The following NRG3 variants were observed in gnomAD, a reference collection of about 807,000 sequenced individuals.
NRG3 encodes the protein pro-neuregulin-3, membrane-bound isoform.
Under a neutral mutation model 66.9 loss-of-function variants are expected in NRG3, and 31 were observed. The ratio of observed to expected loss-of-function variants is 0.46; its 90% CI spans 0.35 to 0.63. The LOEUF is 0.63. Ranked by LOEUF, NRG3 falls within the 20% of genes least tolerant of loss-of-function variation. The pLI is 0.00. For synonymous variants in NRG3, 393 were observed against 359.4 expected (o/e 1.09, Z -1.06); for missense variants, 910 against 878.9 (o/e 1.04, Z -0.45).
At chr10:82,313,570 TGCATG>T (rs2081144033) in intron 1 of NRG3, among the ~76,000 whole-genome samples, 1 of 152,066 alleles carries the variant, frequency 6.6e-6, no homozygotes, top group South Asian at 2.1e-4. Flanking sequence ...AGGAAACAGC[TGCATG>T]GCCAGTCCTG....
intron 1 of NRG3, among the ~76,000 whole-genome samples, chr10:82,221,966 G>C (rs2075964354): frequency 6.6e-6 from 1 of 151,730 alleles, no homozygotes; most frequent in African/African-American, 2.4e-5. Flanking sequence ...CCTCCAGGTG[G>C]CCTACTACAC....
At chr10:82,334,719 TAC>T (rs1377558749) in intron 1 of NRG3, among the ~76,000 whole-genome samples, 2 of 152,224 alleles carry the variant, frequency 1.3e-5, no homozygotes, top group East Asian at 1.9e-4. Flanking sequence ...TGCAAAACGA[TAC>T]AGAGTCCATC....
chr10:82,831,427 C>T (rs910368669), intron 3 of NRG3, among the ~76,000 whole-genome samples: 7 of 151,918 alleles, frequency 4.6e-5, no homozygotes, highest in African/African-American at 1.7e-4. Context: ...TATTAGAAGA[C>T]ATCTTAATGT....
chr10:82,313,089 G>A (rs1202107445), intron 1 of NRG3, among the ~76,000 whole-genome samples: 1 of 152,048 alleles, frequency 6.6e-6, no homozygotes, highest in Non-Finnish European at 1.5e-5. Flanking sequence ...GAGGTGGGAC[G>A]ATTCCTTGAG....
chr10:82,166,031 A>T (rs529898959), intron 1 of NRG3, among the ~76,000 whole-genome samples: 1 of 150,110 alleles, frequency 6.7e-6, no homozygotes, highest in South Asian at 2.1e-4. Context: ...TTTATTATTA[A>T]TTTTTTTTGT....
At chr10:82,428,203 T>G (rs937639849) in intron 2 of NRG3, among the ~76,000 whole-genome samples, 1 of 152,014 alleles carries the variant, frequency 6.6e-6, no homozygotes, top group South Asian at 2.1e-4. Context: ...TTTTCCAATC[T>G]AATCTTTATT....
At chr10:81,991,528 C>G (rs541692400) in intron 1 of NRG3, among the ~76,000 whole-genome samples, 1 of 152,166 alleles carries the variant, frequency 6.6e-6, no homozygotes, top group Non-Finnish European at 1.5e-5. Context: ...CTGTGTGGGT[C>G]CCCCAAAGGC....
intron 1 of NRG3, among the ~76,000 whole-genome samples, chr10:81,942,449 C>T (rs1218916659): frequency 6.6e-6 from 1 of 152,144 alleles, no homozygotes; most frequent in East Asian, 1.9e-4. Flanking sequence ...CAAAATAATA[C>T]ACCCCCTCTA....
intron 4 of NRG3, among the ~76,000 whole-genome samples, chr10:82,880,891 A>G (rs1224079610): frequency 6.6e-6 from 1 of 152,184 alleles, no homozygotes; most frequent in African/African-American, 2.4e-5. Context: ...TAGGGCCATG[A>G]GCACAGTAAG....
chr10:82,361,938 G>T (rs1364952162), intron 2 of NRG3, among the ~76,000 whole-genome samples: 9 of 151,654 alleles, frequency 5.9e-5, no homozygotes, highest in African/African-American at 1.7e-4. Context: ...AAAAAAAATT[G>T]TAATCCTATA....
chr10:82,974,053 C>T, intron 7 of NRG3, 138 bp downstream of exon 7: 1 of 886,230 alleles, frequency 1.1e-6, no homozygotes. Flanking sequence ...GGAGTAAATG[C>T]TCAAACACCT....
chr10:82,263,576 T>A (rs1050705501), intron 1 of NRG3, among the ~76,000 whole-genome samples: 3 of 152,242 alleles, frequency 2.0e-5, no homozygotes, highest in South Asian at 2.1e-4. Flanking sequence ...TACTCAAGAA[T>A]AACCTATAAT....
intron 2 of NRG3, among the ~76,000 whole-genome samples, chr10:82,654,693 A>G (rs960949539): frequency 5.3e-5 from 8 of 152,332 alleles, no homozygotes; most frequent in Admixed American, 2.6e-4. Flanking sequence ...ATCAAGGTAA[A>G]TAAAATATGA....
intron 1 of NRG3, among the ~76,000 whole-genome samples, chr10:81,983,211 T>A (rs1368494119): frequency 6.6e-6 from 1 of 152,168 alleles, no homozygotes; most frequent in Non-Finnish European, 1.5e-5. Flanking sequence ...GAGTCTGTGA[T>A]CATATTAACT....
At chr10:82,135,344 A>C (rs1244698597) in intron 1 of NRG3, among the ~76,000 whole-genome samples, 3 of 152,024 alleles carry the variant, frequency 2.0e-5, no homozygotes, top group Non-Finnish European at 4.4e-5. Context: ...TCTGCTTGGC[A>C]TGCTGTAACT....
chr10:82,464,300 G>A (rs1840467217), intron 2 of NRG3, among the ~76,000 whole-genome samples: 1 of 152,126 alleles, frequency 6.6e-6, no homozygotes, highest in South Asian at 2.1e-4. Flanking sequence ...AAGTCATATG[G>A]TTAGGGTTTG....
intron 1 of NRG3, among the ~76,000 whole-genome samples, chr10:82,093,287 AT>A (rs202209938): frequency 0.014 from 2,171 of 152,336 alleles, 21 homozygotes; most frequent in Non-Finnish European, 0.023. Context: ...ATAGCATCTG[AT>A]AACTTGAACT....
chr10:82,361,978 G>A (rs1201690980), intron 2 of NRG3, among the ~76,000 whole-genome samples: 8 of 144,448 alleles, frequency 5.5e-5, no homozygotes, highest in Non-Finnish European at 1.2e-4. Flanking sequence ...TTTCTGTGTT[G>A]TGAAAATAGA....
chr10:82,530,657 A>G (rs1482974817), intron 2 of NRG3, among the ~76,000 whole-genome samples: 2 of 151,964 alleles, frequency 1.3e-5, no homozygotes, highest in African/African-American at 4.8e-5. Context: ...GTTCCCAGAA[A>G]GATAAGACAT....
Sources: allele counts gnomAD v4.1 joint callset (sites outside exome capture counted in the v4.1 genomes callset), GRCh38; gene constraint gnomAD v4.1.1; transcripts MANE v1.5; gene names NCBI Gene and HGNC (gene_info 2026-07-23, HGNC 2026-07-21).